The following RFC3 variants were observed in gnomAD, a reference collection of about 807,000 sequenced individuals.
The protein encoded by RFC3 is A1 38 kDa subunit.
A neutral mutation model predicts 45.1 loss-of-function variants in RFC3; 41 were observed. The observed-to-expected ratio is 0.91, with a 90% CI of 0.71 to 1.18. RFC3 has a LOEUF of 1.18. Among genes scored for constraint, RFC3 ranks in the 50% most tolerant of loss-of-function variants. RFC3 has a pLI of 0.00. For missense variants in RFC3, 423 were observed against 428.1 expected (o/e 0.99, Z 0.10); for synonymous variants, 149 against 144.0 (o/e 1.03, Z -0.25).
intron 8 of RFC3, among the ~76,000 whole-genome samples, chr13:33,874,953 C>T (rs2082436758): frequency 6.6e-6 from 1 of 152,170 alleles, no homozygotes; most frequent in South Asian, 2.1e-4. Flanking sequence ...TTAATGTTAT[C>T]CAGTGCATGG....
intron 8 of RFC3, among the ~76,000 whole-genome samples, chr13:33,855,470 T>C (rs2082303128): frequency 6.6e-6 from 1 of 152,164 alleles, no homozygotes; most frequent in Non-Finnish European, 1.5e-5. Context: ...ATAGAAGGAT[T>C]TATAATCCTT....
At chr13:33,845,506 C>G (rs901075935) in intron 8 of RFC3, among the ~76,000 whole-genome samples, 4 of 151,996 alleles carry the variant, frequency 2.6e-5, no homozygotes, top group African/African-American at 9.7e-5. Context: ...TTTCAAATAG[C>G]CTGTCTTCAA....
intron 8 of RFC3, among the ~76,000 whole-genome samples, chr13:33,920,048 A>G (rs1443580072): frequency 6.6e-6 from 1 of 152,126 alleles, no homozygotes; most frequent in Non-Finnish European, 1.5e-5. Context: ...AGTCTCCCTA[A>G]TCAACCTTCC....
the RFC3 span, among the ~76,000 whole-genome samples, chr13:33,973,462 A>G: frequency 1.3e-5 from 2 of 152,182 alleles, no homozygotes; most frequent in Non-Finnish European, 2.9e-5. Context: ...ACATCTGGAA[A>G]GGGAGATAGT....
At chr13:33,923,501 T>C (rs1424793941) in intron 8 of RFC3, among the ~76,000 whole-genome samples, 1 of 152,132 alleles carries the variant, frequency 6.6e-6, no homozygotes, top group Non-Finnish European at 1.5e-5. Context: ...ACAAGTGGGA[T>C]GGCCTGGTTC....
chr13:33,818,336 G>A, intron 1 of RFC3, 71 bp downstream of exon 1: 3 of 1,248,552 alleles, frequency 2.4e-6, no homozygotes, highest in Non-Finnish European at 3.5e-6. Context: ...CCCCCCTGAG[G>A]AGCAGTGCTT....
intron 8 of RFC3, among the ~76,000 whole-genome samples, chr13:33,900,248 G>A (rs546809439): frequency 9.9e-5 from 15 of 151,594 alleles, no homozygotes; most frequent in Admixed American, 2.0e-4. Flanking sequence ...AGAACAAAGC[G>A]GGAGGCATTA....
At chr13:33,892,034 C>A (rs1303505585) in intron 8 of RFC3, among the ~76,000 whole-genome samples, 1 of 151,834 alleles carries the variant, frequency 6.6e-6, no homozygotes, top group Non-Finnish European at 1.5e-5. Context: ...CTACATAATA[C>A]CAAAATAACC....
At chr13:33,947,559 G>T (rs1339679971) in intron 8 of RFC3, among the ~76,000 whole-genome samples, 1 of 152,134 alleles carries the variant, frequency 6.6e-6, no homozygotes, top group Non-Finnish European at 1.5e-5. Flanking sequence ...GCAGAAATTG[G>T]AACAGTTTAG....
chr13:33,911,539 C>T (rs1566025303), intron 8 of RFC3, among the ~76,000 whole-genome samples: 2 of 152,088 alleles, frequency 1.3e-5, no homozygotes, highest in Non-Finnish European at 2.9e-5. Flanking sequence ...GCTTACAGTT[C>T]TGCAGGCTGG....
chr13:33,868,907 A>G (rs2082390550), intron 8 of RFC3, among the ~76,000 whole-genome samples: 1 of 152,226 alleles, frequency 6.6e-6, no homozygotes. Context: ...CTGCTCCTGG[A>G]ATATGTGTGC....
At position 33,924,409 on chromosome 13, in the gene RFC3, A is replaced by G. The variant is rs75690964; in HGVS notation, c.880-41678A>G. ...TCCTACCTGCTGACTGTGTTTGTAA[A>G]TTGAGCTTTACTGGAAAACAGCCAT... On this transcript the variant is annotated intron_variant, in intron 8 of 8. Transcript: ENST00000434425. Among the ~76,000 whole-genome samples, 354 of 152,042 alleles carry G rather than the reference A, an allele frequency of 2.3e-3. 1 individual carries two copies. The highest frequency in any genetic ancestry group is 7.7e-3 in the African/African-American group (320 of 41,490).
At chr13:33,847,197 T>TG (rs2082244023) in intron 8 of RFC3, 1 of 152,410 alleles carries the variant, frequency 6.6e-6, no homozygotes, top group Admixed American at 6.5e-5. Flanking sequence ...CCACCATGCC[T>TG]GGCCTACACA....
intron 8 of RFC3, among the ~76,000 whole-genome samples, chr13:33,941,484 TATTC>T (rs2082923767): frequency 6.6e-6 from 1 of 152,204 alleles, no homozygotes; most frequent in African/African-American, 2.4e-5. Context: ...GTCTGCAGCA[TATTC>T]ATTTTACCTT....
intron 8 of RFC3, among the ~76,000 whole-genome samples, chr13:33,858,841 A>G (rs1421734077): frequency 6.6e-6 from 1 of 152,236 alleles, no homozygotes. Flanking sequence ...GATTAGAGAA[A>G]GAATTTATCC....
intron 1 of RFC3, among the ~76,000 whole-genome samples, chr13:33,818,976 C>T (rs1014866555): frequency 2.7e-5 from 4 of 150,642 alleles, no homozygotes; most frequent in African/African-American, 9.8e-5. Flanking sequence ...CTGCAACCTC[C>T]GCCTCACGGG....
intron 8 of RFC3, among the ~76,000 whole-genome samples, chr13:33,865,707 G>A (rs1414739568): frequency 6.6e-6 from 1 of 152,166 alleles, no homozygotes; most frequent in Non-Finnish European, 1.5e-5. Context: ...GACTTGGGTA[G>A]TTGAATAAAA....
At chr13:33,838,277 A>T (rs888093867), downstream of RFC3, among the ~76,000 whole-genome samples, 2 of 152,078 alleles carry the variant, frequency 1.3e-5, no homozygotes, top group Non-Finnish European at 2.9e-5. Context: ...TACTGTGAAA[A>T]TCTACTTTTT....
downstream of RFC3, among the ~76,000 whole-genome samples, chr13:33,838,993 T>TAA (rs914998566): frequency 1.3e-5 from 2 of 152,206 alleles, no homozygotes; most frequent in African/African-American, 4.8e-5. Flanking sequence ...GCTTTTATTT[T>TAA]AGCCTGGCTT....
Sources: gnomAD v4.1 joint callset for allele counts (sites outside exome capture counted in the v4.1 genomes callset) on GRCh38, gnomAD v4.1.1 for gene constraint, MANE v1.5 for transcripts, NCBI Gene and HGNC (gene_info 2026-07-23, HGNC 2026-07-21) for gene names.